RYR3: variants seen among roughly 807,000 people sequenced by gnomAD.
RYR3 encodes the protein brain ryanodine receptor-calcium release channel.
RYR3 carries 207 observed loss-of-function variants against 584.3 expected under a neutral mutation model. The observed-to-expected ratio is 0.35, with a 90% CI of 0.32 to 0.40. RYR3 has a LOEUF of 0.40. Ranked by LOEUF, RYR3 falls within the 10% of genes least tolerant of loss-of-function variation. The pLI, the probability that RYR3 is intolerant of heterozygous loss-of-function variation, is 1.00. For synonymous variants in RYR3, 2,416 were observed against 2,248.5 expected, an observed-to-expected ratio of 1.07 and a Z score of -2.11; for missense variants, 5,616 against 6,089.2, an observed-to-expected ratio of 0.92 and a Z score of 2.59.
intron 1 of RYR3, among the ~76,000 whole-genome samples, chr15:33,424,728 A>G (rs978720778): frequency 2.0e-5 from 3 of 152,174 alleles, no homozygotes; most frequent in African/African-American, 4.8e-5. Context: ...CTGTCATCAC[A>G]TGGGGGTTTT....
intron 1 of RYR3, among the ~76,000 whole-genome samples, chr15:33,313,995 G>A (rs1215692356): frequency 1.3e-5 from 2 of 152,214 alleles, no homozygotes; most frequent in African/African-American, 2.4e-5. Flanking sequence ...TGTGGCTTTA[G>A]ACACTTATTT....
chr15:33,704,983 T>G (rs972933557), intron 42 of RYR3, among the ~76,000 whole-genome samples: 1 of 152,212 alleles, frequency 6.6e-6, no homozygotes, highest in African/African-American at 2.4e-5. Context: ...AGGACTGGTA[T>G]GCTGGAGTTT....
intron 18 of RYR3, among the ~76,000 whole-genome samples, chr15:33,603,785 T>C (rs1335802256): frequency 6.6e-6 from 1 of 152,212 alleles, no homozygotes; most frequent in African/African-American, 2.4e-5. Flanking sequence ...GATGGTTCAG[T>C]AATTTATTCA....
At chr15:33,782,912 T>C (rs1351545004) in intron 65 of RYR3, among the ~76,000 whole-genome samples, 1 of 152,196 alleles carries the variant, frequency 6.6e-6, no homozygotes, top group East Asian at 1.9e-4. Context: ...TCCTTAGTTA[T>C]GGGTGGCAGT....
intron 4 of RYR3, among the ~76,000 whole-genome samples, chr15:33,531,600 C>T (rs947910545): frequency 6.6e-6 from 1 of 151,834 alleles, no homozygotes; most frequent in Non-Finnish European, 1.5e-5. Flanking sequence ...ACAGGAGCAA[C>T]AGCTGCCTGT....
intron 10 of RYR3, among the ~76,000 whole-genome samples, chr15:33,550,802 TG>T (rs2056623264): frequency 6.6e-6 from 1 of 152,238 alleles, no homozygotes; most frequent in Admixed American, 6.5e-5. Flanking sequence ...ATTTTTTTAA[TG>T]ATGCAGAGAA....
intron 1 of RYR3, among the ~76,000 whole-genome samples, chr15:33,346,517 G>A (rs984676696): frequency 4.6e-5 from 7 of 152,198 alleles, no homozygotes; most frequent in Admixed American, 2.0e-4. Flanking sequence ...TTTATGTATG[G>A]CTTCATCTTT....
intron 1 of RYR3, among the ~76,000 whole-genome samples, chr15:33,399,366 C>T (rs1332893701): frequency 6.6e-6 from 1 of 152,186 alleles, no homozygotes; most frequent in Non-Finnish European, 1.5e-5. Context: ...AGGCCAGGCG[C>T]AGTGGCTCGT....
rs1890350834 is a variant in RYR3, at chr15:33,865,877, CT to C, written c.*652del. On this transcript the variant is annotated 3_prime_UTR_variant, in exon 104 of 104. Transcript: ENST00000634891. ...TGATCTTCCGTCTTACTTTATGAAA[CT>C]GCACTTGAAGGTTATTCATACAAGT... 6.6e-6 allele frequency: 1 copy of C among 152,550 alleles called. No homozygotes were observed. The highest frequency in any genetic ancestry group is 2.4e-5 in the African/African-American group (1 of 41,436). The allele number at this position is 152,550 out of a possible 1,614,324, so 9.4% of individuals were successfully genotyped here.
chr15:33,756,441 A>G, intron 59 of RYR3, 68 bp downstream of exon 59: 2 of 1,106,748 alleles, frequency 1.8e-6, no homozygotes, highest in Non-Finnish European at 2.7e-6. Flanking sequence ...AAACAGGTTA[A>G]GTGGATCCAG....
At chr15:33,430,039 C>T (rs577916491) in intron 1 of RYR3, among the ~76,000 whole-genome samples, 1 of 152,316 alleles carries the variant, frequency 6.6e-6, no homozygotes, top group Admixed American at 6.5e-5. Flanking sequence ...AAGGAGGGCA[C>T]GTGAGTGGGT....
chr15:33,532,500 A>G (rs1466684465), intron 4 of RYR3, among the ~76,000 whole-genome samples: 1 of 152,068 alleles, frequency 6.6e-6, no homozygotes, highest in Admixed American at 6.5e-5. Flanking sequence ...TAAATTTTTG[A>G]GTACAGGTTA....
At chr15:33,756,785 A>G (rs767400019) in intron 59 of RYR3, among the ~76,000 whole-genome samples, 8 of 152,114 alleles carry the variant, frequency 5.3e-5, no homozygotes, top group Non-Finnish European at 7.4e-5. Context: ...TCTGGGGTCA[A>G]TAAGGTGAGA....
chr15:33,578,771 A>C (rs1370115589), intron 12 of RYR3, among the ~76,000 whole-genome samples: 3 of 142,762 alleles, frequency 2.1e-5, no homozygotes, highest in African/African-American at 7.4e-5. Context: ...AGAATAAAAA[A>C]AAAAAAACAA....
chr15:33,536,132 C>T (rs2055309221), intron 5 of RYR3, among the ~76,000 whole-genome samples: 1 of 152,192 alleles, frequency 6.6e-6, no homozygotes, highest in Admixed American at 6.5e-5. Flanking sequence ...GAAGGGTCCC[C>T]TGTTCCTGTC....
intron 1 of RYR3, among the ~76,000 whole-genome samples, chr15:33,400,353 G>C (rs1352121537): frequency 6.6e-6 from 1 of 152,130 alleles, no homozygotes; most frequent in Admixed American, 6.5e-5. Flanking sequence ...CCAACGAAAA[G>C]AGATGGACTC....
At chr15:33,414,706 G>C (rs768521120) in intron 1 of RYR3, among the ~76,000 whole-genome samples, 1 of 152,100 alleles carries the variant, frequency 6.6e-6, no homozygotes, top group African/African-American at 2.4e-5. Flanking sequence ...CTGGGTTCAC[G>C]CCATTCCCGC....
intron 1 of RYR3, among the ~76,000 whole-genome samples, chr15:33,330,857 C>T (rs1000844013): frequency 9.2e-5 from 14 of 152,222 alleles, no homozygotes; most frequent in Middle Eastern, 3.4e-3. Flanking sequence ...TGTTAGTTTT[C>T]ACAGGATTCT....
At chr15:33,332,068 A>C (rs146026241) in intron 1 of RYR3, among the ~76,000 whole-genome samples, 232 of 152,242 alleles carry the variant, frequency 1.5e-3, no homozygotes, top group Non-Finnish European at 2.8e-3. Context: ...AAGTACAGGA[A>C]TTAAAGTGAG....
Sources: allele counts gnomAD v4.1 joint callset (sites outside exome capture counted in the v4.1 genomes callset), GRCh38; gene constraint gnomAD v4.1.1; transcripts MANE v1.5; gene names NCBI Gene and HGNC (gene_info 2026-07-23, HGNC 2026-07-21).